Variants in MGRN1 observed in about 807,000 individuals in gnomAD.
The protein encoded by MGRN1 is mahogunin ring finger 1, also known as E3 ubiquitin-protein ligase MGRN1.
Under a neutral mutation model 69.2 loss-of-function variants are expected in MGRN1, and 29 were observed. That is an observed-to-expected ratio of 0.42 (90% confidence interval 0.31 to 0.57). The LOEUF is 0.57. Among genes scored for constraint, MGRN1 ranks in the 20% least tolerant of loss-of-function variants. The pLI is 0.15. For synonymous variants in MGRN1, 470 were observed against 344.2 expected, an observed-to-expected ratio of 1.37 and a Z score of -4.04; for missense variants, 998 against 796.2, an observed-to-expected ratio of 1.25 and a Z score of -3.05.
chr16:4,653,263 G>T (rs1380508837), intron 4 of MGRN1, among the ~76,000 whole-genome samples: 1 of 152,178 alleles, frequency 6.6e-6, no homozygotes, highest in East Asian at 1.9e-4. Context: ...TATTGTAAAG[G>T]ATTCAGATGA....
chr16:4,654,501 G>A (rs1267606046), intron 4 of MGRN1, among the ~76,000 whole-genome samples: 4 of 152,260 alleles, frequency 2.6e-5, no homozygotes, highest in African/African-American at 9.6e-5. Flanking sequence ...TGCCCCAAGT[G>A]GCTTTAGAGA....
At chr16:4,687,320 G>A (rs1326627891) in intron 16 of MGRN1, 5 of 977,090 alleles carry the variant, frequency 5.1e-6, no homozygotes, top group Non-Finnish European at 4.9e-6. Flanking sequence ...GAGACCGAGG[G>A]GATAGATCAC....
Position 4,652,667 on chromosome 16 carries a change from G to A in MGRN1, c.297-11G>A, listed in dbSNP as rs200065993. The A allele has an allele frequency of 1.4e-5, 23 of 1,602,540 alleles. No individual in the cohort carries two copies. The highest frequency in any genetic ancestry group is 6.6e-5 in the South Asian group (6 of 90,254). ...CTGACCCGCTGCCTTTCTCTCCACC[G>A]CCTGGGGTAGGTACAAAGACGATGC... is the stretch of plus-strand genomic sequence containing the variant. On this transcript the variant is annotated splice_polypyrimidine_tract_variant and intron_variant, in intron 3 of 16. Coordinates refer to ENST00000262370, the MANE Select transcript of MGRN1 (RefSeq NM_015246.4).
chr16:4,683,083 C>A (rs1428059044), intron 14 of MGRN1, 137 bp downstream of exon 14: 2 of 1,501,652 alleles, frequency 1.3e-6, no homozygotes, highest in Admixed American at 1.9e-5. Flanking sequence ...CTGCGCGGCT[C>A]CTTAGCCTCG....
At chr16:4,668,385 A>G in intron 8 of MGRN1, 73 bp downstream of exon 8, 1 of 1,498,086 alleles carries the variant, frequency 6.7e-7, no homozygotes, top group Non-Finnish European at 9.3e-7. Flanking sequence ...ACGCATACTC[A>G]TACATAGACA....
At chr16:4,664,893 C>A (rs2078765406) in intron 6 of MGRN1, 118 bp downstream of exon 6, 2 of 1,388,898 alleles carry the variant, frequency 1.4e-6, no homozygotes, top group Non-Finnish European at 2.0e-6. Context: ...CCTTGGGCTT[C>A]CCACAGGGCA....
chr16:4,677,685 G>A, intron 11 of MGRN1, 113 bp downstream of exon 11: 1 of 988,682 alleles, frequency 1.0e-6, no homozygotes, highest in Non-Finnish European at 1.5e-6. Context: ...CTGTCCAGTG[G>A]GCAGGCATGG....
chr16:4,657,765 T>G (rs960601515), intron 5 of MGRN1, among the ~76,000 whole-genome samples: 7 of 134,344 alleles, frequency 5.2e-5, no homozygotes, highest in African/African-American at 1.9e-4. Flanking sequence ...TTTTTTTTTT[T>G]GAGACAGTCT....
At chr16:4,676,116 C>T (rs569946074) in intron 10 of MGRN1, among the ~76,000 whole-genome samples, 2 of 152,324 alleles carry the variant, frequency 1.3e-5, no homozygotes, top group South Asian at 2.1e-4. Context: ...GCAGTCAGGC[C>T]ATGGGGTCAC....
intron 4 of MGRN1, among the ~76,000 whole-genome samples, chr16:4,655,944 C>T (rs1027725557): frequency 1.3e-4 from 20 of 152,222 alleles, no homozygotes; most frequent in African/African-American, 3.9e-4. Context: ...AGGCTGAGCC[C>T]GGGCCTCCCC....
At chr16:4,686,263 G>A (rs1205111117) in intron 16 of MGRN1, 1 of 1,544,180 alleles carries the variant, frequency 6.5e-7, no homozygotes, top group Non-Finnish European at 8.7e-7. Flanking sequence ...GCGCAGCCCT[G>A]GGGCCCGACT....
intron 8 of MGRN1, among the ~76,000 whole-genome samples, chr16:4,668,935 C>T (rs543636972): frequency 1.1e-3 from 161 of 152,258 alleles, no homozygotes; most frequent in African/African-American, 3.8e-3. Flanking sequence ...TACACACAAT[C>T]ACTTGCACAC....
chr16:4,681,774 C>G lies in MGRN1; in HGVS notation c.1356C>G (p.Asp452Glu). 1 of 1,609,774 alleles carries G rather than the reference C, an allele frequency of 6.2e-7. No homozygotes were observed. Among genetic ancestry groups the G allele is most frequent in the Non-Finnish European group, 8.5e-7 (1 of 1,178,368 alleles). Residue 452 changes from aspartate to glutamate, a missense_variant and splice_region_variant, in exon 13 of 17, where the codon GAC (aspartate) becomes GAG (glutamate). Coordinates refer to ENST00000262370, the MANE Select transcript of MGRN1 (RefSeq NM_015246.4). ...QKGRPQSKAP[D>E]STLRSPSSPI... The stretch of plus-strand genomic sequence containing the variant: ...GCAGGCCGCAGAGCAAGGCCCCCGA[C>G]AGGTGAGCAGCAGCCAGGCCAGGTG...
chr16:4,671,543 C>A, intron 9 of MGRN1, 84 bp downstream of exon 9: 1 of 1,254,658 alleles, frequency 8.0e-7, no homozygotes, highest in Non-Finnish European at 1.2e-6. Context: ...TGCCGGTTCC[C>A]TTCCATGCCT....
At chr16:4,636,734 G>T (rs1338209994) in intron 1 of MGRN1, among the ~76,000 whole-genome samples, 1 of 152,066 alleles carries the variant, frequency 6.6e-6, no homozygotes, top group Non-Finnish European at 1.5e-5. Flanking sequence ...TTTCCCTGAT[G>T]ACCAGTGAGG....
intron 1 of MGRN1, among the ~76,000 whole-genome samples, chr16:4,648,816 C>T (rs1338241345): frequency 3.0e-5 from 4 of 132,204 alleles, no homozygotes; most frequent in Middle Eastern, 4.1e-3. Flanking sequence ...GGGCTCTTCC[C>T]GTGGTCACCC....
chr16:4,624,975 C>T lies in MGRN1; in HGVS notation c.15C>T (p.Leu5=). 1 of 1,554,446 alleles carries T rather than the reference C, an allele frequency of 6.4e-7. No homozygotes were observed. Among genetic ancestry groups the T allele is most frequent in the Non-Finnish European group, 8.7e-7 (1 of 1,153,112 alleles). Residue 5 remains leucine (L), a synonymous_variant, in exon 1 of 17, where the codon CTC becomes CTT. Coordinates refer to ENST00000262370, the MANE Select transcript of MGRN1 (RefSeq NM_015246.4). The part of the protein sequence containing the change: MGSI[L]SRRIAGVEDI... ...CGCCGCGCACCATGGGCTCCATTCT[C>T]AGCCGCCGCATCGCGGGGGTGGAGG...
At chr16:4,674,611 CTTTTCTTTTCTTTTCTTTT>C (rs1567225782) in intron 10 of MGRN1, among the ~76,000 whole-genome samples, 7 of 79,344 alleles carry the variant, frequency 8.8e-5, no homozygotes, top group African/African-American at 1.5e-4. Flanking sequence ...CTTTTTTTTT[CTTTTCTTTTCTTTTCTTTT>C]TTTTTTTTTT....
chr16:4,671,321 C>T, intron 8 of MGRN1, 70 bp from the exon 9 acceptor site: 2 of 1,490,142 alleles, frequency 1.3e-6, no homozygotes, highest in African/African-American at 1.4e-5. Flanking sequence ...CAGGGCTAGG[C>T]CAGGTGGGTA....
Sources: gnomAD v4.1 joint callset for allele counts (sites outside exome capture counted in the v4.1 genomes callset) on GRCh38, gnomAD v4.1.1 for gene constraint, MANE v1.5 for transcripts, NCBI Gene and HGNC (gene_info 2026-07-23, HGNC 2026-07-21) for gene names.